IRAK3: variants seen among roughly 807,000 people sequenced by gnomAD.
IRAK3 encodes interleukin-1 receptor-associated kinase 3.
Under a neutral mutation model 56.6 loss-of-function variants are expected in IRAK3, and 57 were observed. That is an observed-to-expected ratio of 1.01 (90% CI 0.81 to 1.26). The LOEUF is 1.26. IRAK3 is among the 50% of genes most tolerant of loss of function. IRAK3 has a pLI of 0.00. For missense variants in IRAK3, 703 were observed against 719.0 expected (o/e 0.98, Z 0.25); for synonymous variants, 258 against 255.7 (o/e 1.01, Z -0.09).
chr12:66,227,743 C>T (rs1239653038), intron 7 of IRAK3, among the ~76,000 whole-genome samples: 6 of 135,102 alleles, frequency 4.4e-5, no homozygotes, highest in East Asian at 2.1e-4. Flanking sequence ...TTGGGTGACA[C>T]GGAGTGAGAC....
At chr12:66,203,931 A>C (rs758376234) in intron 2 of IRAK3, 38 bp downstream of exon 2, 1 of 1,506,804 alleles carries the variant, frequency 6.6e-7, no homozygotes, top group Non-Finnish European at 9.2e-7. Flanking sequence ...CTTAATCTGT[A>C]ATAGGAACTG....
At chr12:66,224,513 G>A (rs2052766610) in intron 6 of IRAK3, among the ~76,000 whole-genome samples, 1 of 152,082 alleles carries the variant, frequency 6.6e-6, no homozygotes, top group African/African-American at 2.4e-5. Flanking sequence ...TGAAGGATGA[G>A]GTTTCTTTAG....
chr12:66,203,656 G>A (rs951886995), intron 1 of IRAK3, 55 bp from the exon 2 acceptor site: 2 of 1,469,398 alleles, frequency 1.4e-6, no homozygotes, highest in Non-Finnish European at 9.5e-7. Context: ...ACAAAAACAA[G>A]TATTTTGATA....
intron 6 of IRAK3, among the ~76,000 whole-genome samples, chr12:66,218,068 C>T (rs2136930764): frequency 6.6e-6 from 1 of 152,226 alleles, no homozygotes; most frequent in African/African-American, 2.4e-5. Context: ...TTCAAAAGTA[C>T]AAAAGCATAG....
At chr12:66,230,502 T>G (rs1462882852) in intron 8 of IRAK3, among the ~76,000 whole-genome samples, 1 of 152,164 alleles carries the variant, frequency 6.6e-6, no homozygotes, top group Non-Finnish European at 1.5e-5. Flanking sequence ...TTTGCACCCC[T>G]GCATCTGACC....
chr12:66,228,271 C>T lies in IRAK3; in HGVS notation c.788C>T (p.Pro263Leu). The T allele has an allele frequency of 1.9e-6, 3 of 1,614,070 alleles. No homozygotes were observed. The highest frequency in any genetic ancestry group is 2.2e-5 in the East Asian group (1 of 44,884). The change falls in exon 8 of 12, where the codon CCT (proline) becomes CTT (leucine). Residue 263 changes from proline (P) to leucine (L), a missense_variant. By Grantham distance (98) the Pro-to-Leu change is moderately conservative. Coordinates refer to ENST00000261233, the MANE Select transcript of IRAK3 (RefSeq NM_007199.3). ...LQCVGDTAPL[P>L]WHIRIGILIG... ...TTTTAGGGTGACACGGCCCCACTCC[C>T]TTGGCACATTCGAATCGGTATATTA...
At chr12:66,215,937 A>G (rs1009688013) in intron 5 of IRAK3, among the ~76,000 whole-genome samples, 3 of 152,064 alleles carry the variant, frequency 2.0e-5, no homozygotes, top group African/African-American at 7.2e-5. Flanking sequence ...TCTTAGAGGG[A>G]CTGAGGTGGG....
intron 8 of IRAK3, among the ~76,000 whole-genome samples, chr12:66,232,169 T>C (rs2052850857): frequency 6.6e-6 from 1 of 152,202 alleles, no homozygotes; most frequent in African/African-American, 2.4e-5. Flanking sequence ...ATATTTTACT[T>C]GGTGGTGGGG....
chr12:66,225,991 C>T (rs887090137), intron 6 of IRAK3, among the ~76,000 whole-genome samples: 34 of 152,114 alleles, frequency 2.2e-4, no homozygotes, highest in African/African-American at 7.7e-4. Context: ...GTGACTTAAA[C>T]TTATATACTT....
At chr12:66,204,097 T>G (rs2052534934) in intron 2 of IRAK3, among the ~76,000 whole-genome samples, 1 of 152,188 alleles carries the variant, frequency 6.6e-6, no homozygotes, top group South Asian at 2.1e-4. Flanking sequence ...ATACAACATA[T>G]TTCTTTCTAT....
Position 66,245,248 on chromosome 12 carries a change from C to T in IRAK3, c.1300C>T (p.Pro434Ser). ...RCAATRAKLR[P>S]SMDEVLNTLE... ...TGCTGCAACGCGGGCAAAGTTAAGA[C>T]CATCAATGGATGAAGTGAGTATATA... is the stretch of plus-strand genomic sequence containing the variant. The change falls in exon 11 of 12, where the codon CCA (proline) becomes TCA (serine). Residue 434 changes from proline (P) to serine (S), a missense_variant. By Grantham distance (74) the Pro-to-Ser change is moderately conservative. Coordinates refer to ENST00000261233, the MANE Select transcript of IRAK3 (RefSeq NM_007199.3). 1 of 1,614,088 alleles carries T rather than the reference C, an allele frequency of 6.2e-7. No homozygotes were observed. Among genetic ancestry groups the T allele is most frequent in the Middle Eastern group, 1.6e-4 (1 of 6,062 alleles).
chr12:66,238,115 G>T (rs1212958657), intron 8 of IRAK3, among the ~76,000 whole-genome samples: 1 of 152,184 alleles, frequency 6.6e-6, no homozygotes, highest in African/African-American at 2.4e-5. Context: ...TCTTATGGCT[G>T]CAGAGAGGAC....
intron 1 of IRAK3, among the ~76,000 whole-genome samples, chr12:66,202,124 G>A (rs2136918042): frequency 6.6e-6 from 1 of 152,246 alleles, no homozygotes; most frequent in South Asian, 2.1e-4. Flanking sequence ...TTACAAATGA[G>A]GAAGGACTGA....
chr12:66,238,563 A>G (rs905417281), intron 8 of IRAK3, among the ~76,000 whole-genome samples: 7 of 152,170 alleles, frequency 4.6e-5, no homozygotes, highest in African/African-American at 1.4e-4. Context: ...AGAGACAGGG[A>G]AATTGGGAAG....
At chr12:66,223,859 C>T (rs2052760600) in intron 6 of IRAK3, among the ~76,000 whole-genome samples, 1 of 151,238 alleles carries the variant, frequency 6.6e-6, no homozygotes, top group Admixed American at 6.6e-5. Flanking sequence ...GCAAAAACCG[C>T]AGTAATTTTT....
rs1293400381 is a variant in IRAK3, at chr12:66,254,064, T to C, written c.*5893T>C. 6.6e-6 allele frequency: 1 copy of C among 152,188 alleles called. No homozygotes were observed. Among genetic ancestry groups the C allele is most frequent in the Non-Finnish European group, 1.5e-5 (1 of 68,018 alleles). 9.4% of individuals were successfully genotyped at this position (152,188 alleles called of 1,614,324 possible). A position where few individuals can be genotyped will look rare whatever the true frequency, so the allele number is the denominator to read the frequency against. ...GCAAAGATAAAGCAATTGACAAAAA[T>C]GGAATTCTTGTTCAATACTGGCAGG... On this transcript the variant is annotated 3_prime_UTR_variant, in exon 12 of 12. Coordinates refer to ENST00000261233, the MANE Select transcript of IRAK3 (RefSeq NM_007199.3).
intron 8 of IRAK3, among the ~76,000 whole-genome samples, chr12:66,237,788 G>T (rs1272084550): frequency 6.6e-6 from 1 of 152,136 alleles, no homozygotes; most frequent in Non-Finnish European, 1.5e-5. Context: ...CTAAATTTTT[G>T]ATGTTTGCCA....
chr12:66,195,668 T>C lies in IRAK3; in HGVS notation c.133+6236T>C, dbSNP rs538662068. Among the ~76,000 whole-genome samples, 16 of 152,340 alleles carry C rather than the reference T, an allele frequency of 1.1e-4. No homozygotes were observed. In the South Asian group the frequency reaches 3.3e-3, roughly 32 times the overall value. ...CTCTGACCACTCTTTTGTTTTGTTT[T>C]GTTTTTTTAAGACGGAGTTTCGCTT... On this transcript the variant is annotated intron_variant, in intron 1 of 11. Coordinates refer to ENST00000261233, the MANE Select transcript of IRAK3 (RefSeq NM_007199.3).
Position 66,211,514 on chromosome 12 carries a change from TTCCTAA to T in IRAK3, c.507_512del (p.Leu170_Ile171del). Reference sequence around the variant, plus strand: ...AGGAACTAGAAATTTCCACAAAGACTTCCTAATTGGAGAAGGAGAGATTTTTGAGGT... The same window carrying T: ...AGGAACTAGAAATTTCCACAAAGACTTTGGAGAAGGAGAGATTTTTGAGGT... On this transcript the variant is annotated inframe_deletion, in exon 5 of 12. Transcript: ENST00000261233. 6.2e-7 allele frequency: 1 copy of T among 1,607,856 alleles called. No homozygotes were observed. The highest frequency in any genetic ancestry group is 8.5e-7 in the Non-Finnish European group (1 of 1,174,318).
Sources: allele counts gnomAD v4.1 joint callset (sites outside exome capture counted in the v4.1 genomes callset), GRCh38; gene constraint gnomAD v4.1.1; transcripts MANE v1.5; gene names NCBI Gene and HGNC (gene_info 2026-07-23, HGNC 2026-07-21).